ACER3: variants seen among roughly 807,000 people sequenced by gnomAD.
ACER3 encodes alkaline ceramidase 3, also known as alkCDase 3.
In ACER3, 16 loss-of-function variants were observed where a neutral mutation model predicts 48.9. That is an observed-to-expected ratio of 0.33 (90% confidence interval 0.22 to 0.50). The LOEUF is 0.50. Among genes scored for constraint, ACER3 ranks in the 20% least tolerant of loss-of-function variants. The pLI, the probability that ACER3 is intolerant of heterozygous loss-of-function variation, is 0.98. For missense variants in ACER3, 227 were observed against 326.0 expected (o/e 0.70, Z 2.34); for synonymous variants, 109 against 107.8 (o/e 1.01, Z -0.07).
chr11:76,975,377 A>T (rs1463678053), intron 3 of ACER3, among the ~76,000 whole-genome samples: 1 of 152,206 alleles, frequency 6.6e-6, no homozygotes, highest in East Asian at 1.9e-4. Flanking sequence ...CACCTAGCTT[A>T]GTGTCTAGCT....
At chr11:76,883,442 T>TC in intron 1 of ACER3, among the ~76,000 whole-genome samples, 1 of 139,430 alleles carries the variant, frequency 7.2e-6, no homozygotes, top group East Asian at 2.1e-4. Context: ...TTCTTGCTTT[T>TC]TTTTTTTTTT....
chr11:76,866,930 T>A (rs1490999466), intron 1 of ACER3, among the ~76,000 whole-genome samples: 2 of 152,332 alleles, frequency 1.3e-5, no homozygotes, highest in Admixed American at 6.5e-5. Flanking sequence ...ACCTACAGCT[T>A]CATGATGTGA....
intron 3 of ACER3, among the ~76,000 whole-genome samples, chr11:76,975,450 A>T (rs991404880): frequency 2.0e-5 from 3 of 152,196 alleles, no homozygotes; most frequent in Non-Finnish European, 4.4e-5. Flanking sequence ...GCTAATAATA[A>T]TAATAAATGT....
At chr11:76,969,597 A>G (rs1354836233) in intron 3 of ACER3, among the ~76,000 whole-genome samples, 9 of 151,942 alleles carry the variant, frequency 5.9e-5, no homozygotes, top group Admixed American at 1.3e-4. Context: ...CATACACACC[A>G]TGGAATACTA....
intron 7 of ACER3, among the ~76,000 whole-genome samples, chr11:77,004,807 T>C (rs1016652507): frequency 2.6e-5 from 4 of 152,216 alleles, no homozygotes; most frequent in Non-Finnish European, 5.9e-5. Context: ...ATCATACTGT[T>C]ATATTTGAAA....
intron 1 of ACER3, among the ~76,000 whole-genome samples, chr11:76,923,592 T>A (rs1226117810): frequency 1.3e-5 from 2 of 152,212 alleles, no homozygotes; most frequent in Non-Finnish European, 2.9e-5. Context: ...ACTTTTGTAT[T>A]AGTATAAATA....
intron 2 of ACER3, among the ~76,000 whole-genome samples, chr11:76,936,995 G>T (rs566947250): frequency 6.6e-6 from 1 of 152,136 alleles, no homozygotes; most frequent in East Asian, 1.9e-4. Flanking sequence ...GGTATTACAG[G>T]CATGAGCCAC....
chr11:76,880,224 T>G (rs1032868253), intron 1 of ACER3, among the ~76,000 whole-genome samples: 1 of 152,228 alleles, frequency 6.6e-6, no homozygotes, highest in Admixed American at 6.5e-5. Context: ...TTTAGTTTCA[T>G]GAGACGGAAG....
intron 6 of ACER3, among the ~76,000 whole-genome samples, chr11:76,996,511 C>T (rs888189942): frequency 2.7e-5 from 4 of 150,784 alleles, no homozygotes; most frequent in Admixed American, 6.6e-5. Context: ...CTCTGCCTCT[C>T]GGGTTCAAGC....
chr11:76,944,690 C>A (rs896880476), intron 2 of ACER3, among the ~76,000 whole-genome samples: 1 of 151,968 alleles, frequency 6.6e-6, no homozygotes, highest in Non-Finnish European at 1.5e-5. Context: ...TAGTGATGTC[C>A]TCTTTGCAGT....
intron 1 of ACER3, among the ~76,000 whole-genome samples, chr11:76,866,378 A>G (rs563754913): frequency 1.3e-5 from 2 of 152,278 alleles, no homozygotes; most frequent in African/African-American, 4.8e-5. Flanking sequence ...CTTTCTGTAC[A>G]TGAACTGAAT....
chr11:77,009,269 G>A (rs563248791), intron 7 of ACER3, among the ~76,000 whole-genome samples: 12 of 152,180 alleles, frequency 7.9e-5, no homozygotes, highest in African/African-American at 2.4e-4. Context: ...GAGCAGACAC[G>A]CCACATGGCA....
chr11:76,974,824 AACTC>A (rs904672320), intron 3 of ACER3, among the ~76,000 whole-genome samples: 2 of 152,224 alleles, frequency 1.3e-5, no homozygotes, highest in African/African-American at 2.4e-5. Flanking sequence ...CTTAAAAAAA[AACTC>A]ACCTACATAT....
intron 1 of ACER3, among the ~76,000 whole-genome samples, chr11:76,913,908 A>G (rs975880160): frequency 6.6e-6 from 1 of 152,218 alleles, no homozygotes; most frequent in African/African-American, 2.4e-5. Flanking sequence ...ATCTACAACC[A>G]TCTGATCTTT....
At chr11:76,868,009 C>A in intron 1 of ACER3, 1 of 888,036 alleles carries the variant, frequency 1.1e-6, no homozygotes, top group Non-Finnish European at 1.5e-6. Flanking sequence ...GCTGCTGCAG[C>A]ACAAGACAAA....
chr11:76,891,950 G>A (rs1171765932), intron 1 of ACER3, among the ~76,000 whole-genome samples: 1 of 152,226 alleles, frequency 6.6e-6, no homozygotes, highest in African/African-American at 2.4e-5. Flanking sequence ...TAACACTCAT[G>A]ATTGTATTTC....
intron 1 of ACER3, among the ~76,000 whole-genome samples, chr11:76,868,663 G>T (rs941573633): frequency 6.6e-6 from 1 of 152,196 alleles, no homozygotes; most frequent in Admixed American, 6.5e-5. Flanking sequence ...AAGGAATGCT[G>T]CAGAGAGAAG....
rs541993619 is a variant in ACER3 at position 76,910,608 on chromosome 11, C to T, written c.104-15949C>T. 3.6e-4 allele frequency among the ~76,000 whole-genome samples: 55 copies of T among 152,070 alleles called. No individual in the cohort carries two copies. In the South Asian group the frequency reaches 8.7e-3, roughly 24 times the overall value. ...GGTTAAGTAACTTGGATAAACATTT[C>T]GCCAAAGAAAATATACCATTAATAA... On this transcript the variant is annotated intron_variant, in intron 1 of 10. Coordinates refer to ENST00000532485, the MANE Select transcript of ACER3 (RefSeq NM_018367.7).
rs1946679454 is a variant in ACER3, at chr11:76,921,256, GT to G, written c.104-5300del. On this transcript the variant is annotated intron_variant, in intron 1 of 10. Coordinates refer to ENST00000532485, the MANE Select transcript of ACER3 (RefSeq NM_018367.7). Reference sequence around the variant, plus strand: ...CATATTTTCTTCTGAAGGTTTTATTGTGTTACCTTTTACATTTAGATCTATA... The same window carrying G: ...CATATTTTCTTCTGAAGGTTTTATTGGTTACCTTTTACATTTAGATCTATA... Among the ~76,000 whole-genome samples, 4 of 151,976 alleles carry G rather than the reference GT, an allele frequency of 2.6e-5. No individual in the cohort carries two copies. The South Asian group carries it at 8.3e-4, about 32-fold the overall frequency.
Sources: gnomAD v4.1 joint callset for allele counts (sites outside exome capture counted in the v4.1 genomes callset) on GRCh38, gnomAD v4.1.1 for gene constraint, MANE v1.5 for transcripts, NCBI Gene and HGNC (gene_info 2026-07-23, HGNC 2026-07-21) for gene names.